The following COBLL1 variants were observed in gnomAD, a reference collection of about 807,000 sequenced individuals.
The protein encoded by COBLL1 is cordon-bleu protein-like 1.
A neutral mutation model predicts 94.8 loss-of-function variants in COBLL1; 50 were observed. The observed-to-expected ratio is 0.53, with a 90% CI of 0.42 to 0.67. COBLL1 has a LOEUF of 0.67. COBLL1 is among the 30% of genes least tolerant of loss of function. COBLL1 has a pLI of 0.00. For missense variants in COBLL1, 1,362 were observed against 1,348.7 expected (o/e 1.01, Z -0.15); for synonymous variants, 448 against 473.8 (o/e 0.95, Z 0.71).
At chr2:164,784,821 T>G (rs1004785170) in intron 2 of COBLL1, among the ~76,000 whole-genome samples, 1 of 152,080 alleles carries the variant, frequency 6.6e-6, no homozygotes, top group African/African-American at 2.4e-5. Context: ...AGCCAATACA[T>G]GTTTTTTTAA....
intron 13 of COBLL1, chr2:164,687,751 G>A (rs775867314): frequency 7.1e-5 from 42 of 592,282 alleles, no homozygotes; most frequent in Non-Finnish European, 1.2e-4. Flanking sequence ...ATAAGGAAAG[G>A]AACTCAGTAC....
intron 2 of COBLL1, among the ~76,000 whole-genome samples, chr2:164,664,190 T>C (rs1421625968): frequency 6.6e-6 from 1 of 152,192 alleles, no homozygotes; most frequent in East Asian, 1.9e-4. Flanking sequence ...TTGCACACTA[T>C]TCTCTGATGA....
chr2:164,672,705 CAAAAAAAAAAA>C (rs1187183800), intron 1 of COBLL1, among the ~76,000 whole-genome samples: 1 of 64,968 alleles, frequency 1.5e-5, no homozygotes, highest in Admixed American at 1.7e-4. Context: ...GACTCCGTCT[CAAAAAAAAAAA>C]AAAAAAAAAA....
At chr2:164,756,229 T>C (rs1437306508) in intron 2 of COBLL1, among the ~76,000 whole-genome samples, 1 of 152,162 alleles carries the variant, frequency 6.6e-6, no homozygotes, top group Non-Finnish European at 1.5e-5. Flanking sequence ...TATTCTCCTA[T>C]TCTAAGCAGA....
chr2:164,665,558 C>A (rs2105384420), intron 2 of COBLL1, among the ~76,000 whole-genome samples: 1 of 151,416 alleles, frequency 6.6e-6, no homozygotes, highest in East Asian at 1.9e-4. Flanking sequence ...TCAATCTTTT[C>A]TAAAATGGCT....
intron 2 of COBLL1, among the ~76,000 whole-genome samples, chr2:164,817,879 C>T (rs754758135): frequency 2.0e-5 from 3 of 152,126 alleles, no homozygotes; most frequent in Non-Finnish European, 4.4e-5. Context: ...TCATGAGCCA[C>T]ATCTAAATGC....
rs1683029485 is a variant in COBLL1 at position 164,681,260 on chromosome 2, C to CTCT, written c.*4683_*4685dup. The CTCT allele has an allele frequency of 6.6e-6, 1 of 152,152 alleles. No homozygotes were observed. The highest frequency in any genetic ancestry group is 2.4e-5 in the African/African-American group (1 of 41,422). 9.4% of individuals were successfully genotyped at this position (152,152 alleles called of 1,614,324 possible). On this transcript the variant is annotated 3_prime_UTR_variant, in exon 14 of 14. Transcript: ENST00000652658. ...ACATCAGAGTAAACTGGGGGCCTGG[C>CTCT]TCTTAGGTGATCTAGGCTGGCCTCA...
At chr2:164,805,328 T>TATA (rs1684055947) in intron 2 of COBLL1, among the ~76,000 whole-genome samples, 2 of 52,032 alleles carry the variant, frequency 3.8e-5, no homozygotes, top group Non-Finnish European at 7.7e-5. Context: ...TCTCTCTCTC[T>TATA]CTCTCTCTCT....
chr2:164,699,649 G>A (rs1019660126), intron 10 of COBLL1, 150 bp from the exon 11 acceptor site: 65 of 497,166 alleles, frequency 1.3e-4, no homozygotes, highest in Admixed American at 2.3e-4. Flanking sequence ...GCCAAACATC[G>A]GAAATTTAAT....
At chr2:164,703,141 G>A in intron 9 of COBLL1, 3 of 1,613,704 alleles carry the variant, frequency 1.9e-6, no homozygotes, top group Non-Finnish European at 2.5e-6. Flanking sequence ...GTGTCCCAGG[G>A]CACTCAAAGA....
intron 2 of COBLL1, among the ~76,000 whole-genome samples, chr2:164,658,301 C>A (rs996024652): frequency 6.6e-6 from 1 of 152,120 alleles, no homozygotes. Context: ...GGCCGAAGAC[C>A]GCTCTAACTG....
chr2:164,789,685 G>A (rs1683084378), intron 2 of COBLL1, among the ~76,000 whole-genome samples: 1 of 152,078 alleles, frequency 6.6e-6, no homozygotes, highest in Admixed American at 6.5e-5. Flanking sequence ...GAGATTTAAG[G>A]ACTACTTAAC....
chr2:164,785,614 G>T (rs541580035), intron 2 of COBLL1, among the ~76,000 whole-genome samples: 1 of 152,250 alleles, frequency 6.6e-6, no homozygotes, highest in East Asian at 1.9e-4. Flanking sequence ...GAAGTTACAC[G>T]AAATATTTTC....
chr2:164,779,293 T>C (rs748892049), intron 2 of COBLL1, among the ~76,000 whole-genome samples: 3 of 152,136 alleles, frequency 2.0e-5, no homozygotes, highest in Non-Finnish European at 2.9e-5. Context: ...ACAGTACGAA[T>C]CATGGCAAAG....
At chr2:164,737,498 T>C (rs1686366961) in intron 3 of COBLL1, among the ~76,000 whole-genome samples, 1 of 152,154 alleles carries the variant, frequency 6.6e-6, no homozygotes, top group South Asian at 2.1e-4. Flanking sequence ...CCAACTTTTG[T>C]TTTAGGCAAT....
At chr2:164,657,988 TGCTGTTGCCG>T (rs1691004973) in intron 2 of COBLL1, among the ~76,000 whole-genome samples, 2 of 152,110 alleles carry the variant, frequency 1.3e-5, no homozygotes, top group South Asian at 4.1e-4. Context: ...CAAAGGGGGT[TGCTGTTGCCG>T]GCTTGAATGC....
rs80261235 is a variant in COBLL1 at position 164,807,885 on chromosome 2, T to C, written c.41+33271A>G. On this transcript the variant is annotated intron_variant, in intron 2 of 13. Coordinates refer to ENST00000652658, the MANE Select transcript of COBLL1 (RefSeq NM_001365672.2). ...CCTAGGCTGAAGTGCAGTGGCAATA[T>C]CTCGGCTCACTGCAACCTCTGCCTC... Among the ~76,000 whole-genome samples, 427 of 152,298 alleles carry C rather than the reference T, an allele frequency of 2.8e-3. 4 individuals carry two copies. Among genetic ancestry groups the C allele is most frequent in the African/African-American group, 9.8e-3 (408 of 41,558 alleles).
chr2:164,794,491 G>A (rs1465930321), intron 2 of COBLL1, among the ~76,000 whole-genome samples: 2 of 151,870 alleles, frequency 1.3e-5, no homozygotes, highest in Non-Finnish European at 2.9e-5. Flanking sequence ...GGAGGGTAGG[G>A]AAGAAAAAAA....
At chr2:164,755,571 A>G (rs1687357587) in intron 2 of COBLL1, among the ~76,000 whole-genome samples, 1 of 152,194 alleles carries the variant, frequency 6.6e-6, no homozygotes, top group Non-Finnish European at 1.5e-5. Flanking sequence ...ACCTCTTTGT[A>G]TCATTAGACC....
Sources: allele counts gnomAD v4.1 joint callset (sites outside exome capture counted in the v4.1 genomes callset), GRCh38; gene constraint gnomAD v4.1.1; transcripts MANE v1.5; gene names NCBI Gene and HGNC (gene_info 2026-07-23, HGNC 2026-07-21).